ZSCAN30: variants seen among roughly 807,000 people sequenced by gnomAD.
The protein encoded by ZSCAN30 is zinc finger and SCAN domain containing 30.
ZSCAN30 carries 37 observed loss-of-function variants against 44.3 expected under a neutral mutation model. That is an observed-to-expected ratio of 0.84 (90% CI 0.64 to 1.10). The LOEUF is 1.10. Among genes scored for constraint, ZSCAN30 ranks in the 50% least tolerant of loss-of-function variants. ZSCAN30 has a pLI of 0.00. For synonymous variants in ZSCAN30, 181 were observed against 204.6 expected, an observed-to-expected ratio of 0.88 and a Z score of 0.98; for missense variants, 549 against 582.6, an observed-to-expected ratio of 0.94 and a Z score of 0.59.
At chr18:35,280,393 A>G (rs907072395) in intron 1 of ZSCAN30, among the ~76,000 whole-genome samples, 2 of 152,064 alleles carry the variant, frequency 1.3e-5, no homozygotes, top group African/African-American at 4.8e-5. Context: ...GAAAAAAAAG[A>G]AAGAAAACAC....
chr18:35,273,676 G>T (rs2044322997), intron 1 of ZSCAN30, among the ~76,000 whole-genome samples: 1 of 152,116 alleles, frequency 6.6e-6, no homozygotes, highest in South Asian at 2.1e-4. Context: ...CACGTGTGAG[G>T]GTTTACTTCT....
intron 1 of ZSCAN30, among the ~76,000 whole-genome samples, chr18:35,274,084 C>T (rs1329378597): frequency 2.6e-5 from 4 of 151,978 alleles, no homozygotes; most frequent in African/African-American, 2.4e-5. Flanking sequence ...GGTGCGATCT[C>T]GGCTCACTGC....
At chr18:35,262,265 GA>G (rs2044042796) in intron 3 of ZSCAN30, 2 of 152,154 alleles carry the variant, frequency 1.3e-5, no homozygotes, top group Admixed American at 1.3e-4. Flanking sequence ...ATTGCTTGGT[GA>G]AGACAAAATC....
chr18:35,264,377 G>T lies in ZSCAN30; in HGVS notation c.-25C>A. The T allele has an allele frequency of 1.3e-6, 2 of 1,598,860 alleles. No individual in the cohort carries two copies. The highest frequency in any genetic ancestry group is 1.7e-6 in the Non-Finnish European group (2 of 1,171,758). ...TTCTGGGCAGAGACAGTCTGAAAAG[G>T]CTGCCCAGGTGAGGCAGGGAGGAGA... On this transcript the variant is annotated 5_prime_UTR_variant, in exon 2 of 4. Transcript: ENST00000333206.
chr18:35,272,067 G>A (rs544390731), intron 1 of ZSCAN30, among the ~76,000 whole-genome samples: 1 of 152,346 alleles, frequency 6.6e-6, no homozygotes, highest in African/African-American at 2.4e-5. Flanking sequence ...CCAGAGAGGG[G>A]CTTCCACAGT....
chr18:35,257,793 C>T (rs1038807622), intron 3 of ZSCAN30: 1 of 740,416 alleles, frequency 1.4e-6, no homozygotes, highest in African/African-American at 1.7e-5. Context: ...CAAGAAGAGA[C>T]AACTCTGCAG....
At chr18:35,273,766 C>G (rs977875753) in intron 1 of ZSCAN30, among the ~76,000 whole-genome samples, 1 of 152,188 alleles carries the variant, frequency 6.6e-6, no homozygotes, top group Non-Finnish European at 1.5e-5. Flanking sequence ...TTAATTAAAT[C>G]AGGAATTAGA....
Position 35,283,009 on chromosome 18 carries a change from T to G in ZSCAN30, c.-104+7075A>C, listed in dbSNP as rs1195485805. On this transcript the variant is annotated intron_variant, in intron 1 of 3. Coordinates refer to ENST00000333206, the MANE Select transcript of ZSCAN30 (RefSeq NM_001112734.4). ...GTACATATACATATATTCAATTACTTGTTTTGTGTCTCTGGTTGAACACTG... is the reference window on the plus strand; with the variant it reads ...GTACATATACATATATTCAATTACTGGTTTTGTGTCTCTGGTTGAACACTG... The G allele has an allele frequency of 2.0e-5, 3 of 152,302 alleles. No individual in the cohort carries two copies. The South Asian group carries it at 6.2e-4, about 32-fold the overall frequency. The allele number at this position is 152,302 out of a possible 1,614,324, so 9.4% of individuals were successfully genotyped here. A position where few individuals can be genotyped will look rare whatever the true frequency, so the allele number is the denominator to read the frequency against.
At chr18:35,273,064 C>CA (rs548353012) in intron 1 of ZSCAN30, among the ~76,000 whole-genome samples, 159 of 152,340 alleles carry the variant, frequency 1.0e-3, no homozygotes, top group African/African-American at 3.7e-3. Context: ...GGTGGGGACA[C>CA]AGAGCCAAAC....
chr18:35,257,820 C>T (rs1049022842), intron 3 of ZSCAN30: 21 of 771,328 alleles, frequency 2.7e-5, no homozygotes, highest in African/African-American at 8.5e-5. Context: ...TATGCTTCAG[C>T]GGCCCATGAA....
intron 1 of ZSCAN30, chr18:35,281,043 CA>C (rs2044446604): frequency 1.3e-5 from 2 of 152,214 alleles, no homozygotes; most frequent in Non-Finnish European, 2.9e-5. Flanking sequence ...ATCCTTTTCT[CA>C]AATAAATTTA....
chr18:35,274,373 T>C (rs2044335911), intron 1 of ZSCAN30, among the ~76,000 whole-genome samples: 1 of 152,216 alleles, frequency 6.6e-6, no homozygotes. Context: ...CATTGTTTGC[T>C]TCTGCCAGCT....
chr18:35,272,499 C>T (rs2044301456), intron 1 of ZSCAN30, among the ~76,000 whole-genome samples: 1 of 151,754 alleles, frequency 6.6e-6, no homozygotes, highest in South Asian at 2.1e-4. Flanking sequence ...TGTTACCACA[C>T]CCAGTTAATT....
chr18:35,270,659 C>A (rs2044251287), intron 1 of ZSCAN30, among the ~76,000 whole-genome samples: 1 of 152,208 alleles, frequency 6.6e-6, no homozygotes, highest in Non-Finnish European at 1.5e-5. Flanking sequence ...CAGCTCACTG[C>A]AACCTCCCCC....
At chr18:35,257,842 A>G (rs1328091180) in intron 3 of ZSCAN30, 7 of 780,026 alleles carry the variant, frequency 9.0e-6, no homozygotes, top group Non-Finnish European at 1.7e-5. Context: ...TGCTCCAAGG[A>G]TTAGACCAAG....
At chr18:35,261,997 G>A (rs1228121169) in intron 3 of ZSCAN30, 1 of 152,202 alleles carries the variant, frequency 6.6e-6, no homozygotes, top group Non-Finnish European at 1.5e-5. Context: ...GAAGAATTCA[G>A]TGGATGGATG....
chr18:35,263,061 C>A, intron 3 of ZSCAN30: 1 of 224,230 alleles, frequency 4.5e-6, no homozygotes. Flanking sequence ...AATTAAATAA[C>A]AGAATACTGA....
chr18:35,254,438 G>C, intron 3 of ZSCAN30, 57 bp from the exon 4 acceptor site: 1 of 1,612,200 alleles, frequency 6.2e-7, no homozygotes, highest in Non-Finnish European at 8.5e-7. Context: ...AGAAGAAACT[G>C]TTGTAGCAGG....
chr18:35,271,930 G>T (rs530365366), intron 1 of ZSCAN30, among the ~76,000 whole-genome samples: 2 of 152,084 alleles, frequency 1.3e-5, no homozygotes, highest in Non-Finnish European at 2.9e-5. Flanking sequence ...GGCGCTGGCC[G>T]GCCGCTCCAA....
Sources: allele counts gnomAD v4.1 joint callset (sites outside exome capture counted in the v4.1 genomes callset), GRCh38; gene constraint gnomAD v4.1.1; transcripts MANE v1.5; gene names NCBI Gene and HGNC (gene_info 2026-07-23, HGNC 2026-07-21).